The following DGKG variants were observed in gnomAD, a reference collection of about 807,000 sequenced individuals.
DGKG encodes the protein diacylglycerol kinase gamma.
A neutral mutation model predicts 105.3 loss-of-function variants in DGKG; 78 were observed. The observed-to-expected ratio is 0.74, with a 90% confidence interval of 0.62 to 0.89. The LOEUF is 0.89. Ranked by LOEUF, DGKG falls within the 40% of genes least tolerant of loss-of-function variation. The pLI is 0.00. For synonymous variants in DGKG, 346 were observed against 367.1 expected, an observed-to-expected ratio of 0.94 and a Z score of 0.66; for missense variants, 958 against 1,020.1, an observed-to-expected ratio of 0.94 and a Z score of 0.83.
intron 10 of DGKG, among the ~76,000 whole-genome samples, chr3:186,273,857 G>C (rs920921520): frequency 2.6e-5 from 4 of 152,208 alleles, no homozygotes; most frequent in Non-Finnish European, 5.9e-5. Flanking sequence ...GGTGTCTGGT[G>C]GGTTCAGGCT....
At chr3:186,254,418 A>G (rs1721366918) in intron 17 of DGKG, among the ~76,000 whole-genome samples, 1 of 152,114 alleles carries the variant, frequency 6.6e-6, no homozygotes, top group Non-Finnish European at 1.5e-5. Flanking sequence ...CGTTGTCCTC[A>G]GAACATGTGT....
intron 24 of DGKG, 73 bp downstream of exon 24, chr3:186,161,530 A>G: frequency 1.2e-6 from 2 of 1,609,082 alleles, no homozygotes; most frequent in Non-Finnish European, 1.7e-6. Flanking sequence ...CAGTGATTTC[A>G]TATTAAGTCA....
At chr3:186,348,114 C>T (rs973750197) in intron 1 of DGKG, among the ~76,000 whole-genome samples, 11 of 152,172 alleles carry the variant, frequency 7.2e-5, no homozygotes, top group Non-Finnish European at 1.6e-4. Context: ...AGTTTTTAGC[C>T]CCACATTATT....
At chr3:186,164,294 C>T (rs1441947920) in intron 23 of DGKG, among the ~76,000 whole-genome samples, 9 of 152,196 alleles carry the variant, frequency 5.9e-5, no homozygotes, top group African/African-American at 2.2e-4. Flanking sequence ...TGATGAGCTG[C>T]ATTGATTAAT....
intron 11 of DGKG, among the ~76,000 whole-genome samples, chr3:186,271,390 C>T (rs1002342269): frequency 6.6e-6 from 1 of 152,128 alleles, no homozygotes; most frequent in African/African-American, 2.4e-5. Flanking sequence ...GCCAGTGTGA[C>T]AGTCAAAATA....
intron 19 of DGKG, among the ~76,000 whole-genome samples, chr3:186,245,400 G>C (rs1032415565): frequency 9.2e-5 from 14 of 152,116 alleles, no homozygotes; most frequent in African/African-American, 3.4e-4. Flanking sequence ...AAAGAGAGTC[G>C]AGATTCACTT....
At chr3:186,168,345 T>C (rs1716654560) in intron 22 of DGKG, among the ~76,000 whole-genome samples, 1 of 152,130 alleles carries the variant, frequency 6.6e-6, no homozygotes, top group South Asian at 2.1e-4. Flanking sequence ...GTACAGTGTT[T>C]TGTGTGTAGT....
chr3:186,223,264 A>G (rs1719685888), intron 20 of DGKG, among the ~76,000 whole-genome samples: 1 of 151,460 alleles, frequency 6.6e-6, no homozygotes, highest in South Asian at 2.1e-4. Context: ...CTGGAGTTCT[A>G]CTTAGGAGGG....
At chr3:186,223,546 C>T (rs62289011) in intron 20 of DGKG, among the ~76,000 whole-genome samples, 7 of 152,064 alleles carry the variant, frequency 4.6e-5, no homozygotes, top group Non-Finnish European at 7.4e-5. Context: ...AAAATGCACT[C>T]GATAGGGCAG....
chr3:186,306,521 T>G (rs1409258943), intron 3 of DGKG, among the ~76,000 whole-genome samples: 2 of 151,944 alleles, frequency 1.3e-5, no homozygotes, highest in Non-Finnish European at 2.9e-5. Context: ...GATAGGAGCA[T>G]GGAGAGGTCA....
At chr3:186,160,034 T>C in intron 24 of DGKG, 1 of 343,098 alleles carries the variant, frequency 2.9e-6, no homozygotes, top group Non-Finnish European at 4.1e-6. Context: ...CCTCCAGAAC[T>C]GTGAGAAAAT....
intron 9 of DGKG, among the ~76,000 whole-genome samples, chr3:186,276,829 G>A (rs964615568): frequency 6.6e-5 from 10 of 152,338 alleles, no homozygotes; most frequent in African/African-American, 1.9e-4. Context: ...GATGAGGATC[G>A]ATGGTCATGG....
At chr3:186,325,153 A>G (rs962777056) in intron 1 of DGKG, among the ~76,000 whole-genome samples, 5 of 152,210 alleles carry the variant, frequency 3.3e-5, no homozygotes, top group African/African-American at 4.8e-5. Flanking sequence ...AAAACCAAAT[A>G]CTACATGTTC....
chr3:186,356,019 A>G (rs1052835468), intron 1 of DGKG, among the ~76,000 whole-genome samples: 1 of 152,222 alleles, frequency 6.6e-6, no homozygotes, highest in East Asian at 1.9e-4. Context: ...TCAAGGAAAT[A>G]CCAGTGATGA....
chr3:186,359,117 C>T (rs931333282), intron 1 of DGKG, among the ~76,000 whole-genome samples: 2 of 152,078 alleles, frequency 1.3e-5, no homozygotes, highest in Non-Finnish European at 2.9e-5. Context: ...TCGTGTGAGG[C>T]CTTGGCCTAT....
At chr3:186,256,516 C>T (rs1033032063) in intron 17 of DGKG, among the ~76,000 whole-genome samples, 2 of 152,232 alleles carry the variant, frequency 1.3e-5, no homozygotes, top group Non-Finnish European at 2.9e-5. Context: ...CTGCAGTGGC[C>T]TCCGAACTGA....
chr3:186,260,573 G>A (rs1721721697), intron 15 of DGKG, 60 bp from the exon 16 acceptor site: 5 of 1,328,176 alleles, frequency 3.8e-6, no homozygotes, highest in African/African-American at 1.4e-5. Flanking sequence ...ATGTCATCGT[G>A]AGAAGTCACA....
chr3:186,222,687 A>G (rs989984389), intron 20 of DGKG, among the ~76,000 whole-genome samples: 8 of 151,826 alleles, frequency 5.3e-5, no homozygotes, highest in African/African-American at 1.9e-4. Flanking sequence ...TACTAAAAAT[A>G]CAAAAATTAG....
chr3:186,291,693 A>G (rs1278717960), intron 5 of DGKG, among the ~76,000 whole-genome samples: 3 of 149,618 alleles, frequency 2.0e-5, no homozygotes. Flanking sequence ...ATGTAATTTA[A>G]TATATATGGC....
Sources: allele counts gnomAD v4.1 joint callset (sites outside exome capture counted in the v4.1 genomes callset), GRCh38; gene constraint gnomAD v4.1.1; transcripts MANE v1.5; gene names NCBI Gene and HGNC (gene_info 2026-07-23, HGNC 2026-07-21).